Variants in ERMP1 observed in about 807,000 individuals in gnomAD.
The protein encoded by ERMP1 is endoplasmic reticulum metallopeptidase 1.
A neutral mutation model predicts 92.0 loss-of-function variants in ERMP1; 86 were observed. That is an observed-to-expected ratio of 0.93 (90% confidence interval 0.79 to 1.12). The LOEUF is 1.12. Among genes scored for constraint, ERMP1 ranks in the 50% most tolerant of loss-of-function variants. The pLI is 0.00. For synonymous variants in ERMP1, 530 were observed against 412.8 expected (o/e 1.28, Z -3.44); for missense variants, 1,342 against 1,116.3 (o/e 1.20, Z -2.88).
chr9:5,844,046 C>T (rs954761028), intron 6 of ERMP1, among the ~76,000 whole-genome samples: 1 of 152,064 alleles, frequency 6.6e-6, no homozygotes, highest in South Asian at 2.1e-4. Context: ...ATGGCATTTC[C>T]GGGAGAAGAA....
At chr9:5,839,498 G>C (rs1311184776) in intron 6 of ERMP1, among the ~76,000 whole-genome samples, 1 of 152,178 alleles carries the variant, frequency 6.6e-6, no homozygotes, top group East Asian at 1.9e-4. Context: ...GGGAATGAGA[G>C]TCACTGACTC....
intron 13 of ERMP1, chr9:5,791,377 C>CCTT: frequency 2.2e-6 from 1 of 452,114 alleles, no homozygotes; most frequent in South Asian, 1.6e-5. Flanking sequence ...TTTCTCAAGG[C>CCTT]CTTCACTGAC....
At position 5,805,100 on chromosome 9, in the gene ERMP1, C is replaced by T; in HGVS notation, c.1841G>A (p.Gly614Asp). The part of the protein sequence containing the change: ...EMFTPILGRS[G>D]SEIPPDVVLA... ...CACAACATCAGGTGGGATTTCAGAA[C>T]CACTTCTCCCGAGGATAGGGGTAAA... The change falls in exon 10 of 15, where the codon GGT becomes GAT. Residue 614 changes from glycine (G) to aspartate (D), a missense_variant. By Grantham distance (94) the Gly-to-Asp change is moderately conservative. Coordinates refer to ENST00000339450, the MANE Select transcript of ERMP1 (RefSeq NM_024896.3). 1 of 1,613,646 alleles carries T rather than the reference C, an allele frequency of 6.2e-7. No homozygotes were observed. Among genetic ancestry groups the T allele is most frequent in the Non-Finnish European group, 8.5e-7 (1 of 1,179,914 alleles).
chr9:5,789,626 T>C (rs1216782455), intron 13 of ERMP1, among the ~76,000 whole-genome samples: 1 of 152,200 alleles, frequency 6.6e-6, no homozygotes, highest in Non-Finnish European at 1.5e-5. Context: ...CCCACTGCTC[T>C]ACCACCTAGG....
chr9:5,832,414 C>G, intron 1 of ERMP1: 2 of 414,088 alleles, frequency 4.8e-6, no homozygotes, highest in Non-Finnish European at 8.5e-6. Context: ...AACCAACCAT[C>G]TGCACGAAGG....
chr9:5,797,634 C>T (rs139776778), intron 13 of ERMP1, among the ~76,000 whole-genome samples, 183 bp downstream of exon 13: 11,634 of 145,022 alleles, frequency 0.08, 673 homozygotes, highest in Non-Finnish European at 0.12. Context: ...GGCGACAGAG[C>T]GAGACTCCAT....
chr9:5,844,919 G>C (rs1441399433), intron 6 of ERMP1, among the ~76,000 whole-genome samples: 1 of 152,166 alleles, frequency 6.6e-6, no homozygotes, highest in East Asian at 1.9e-4. Flanking sequence ...TGGCTGCTTT[G>C]AGCATGTCAG....
rs565147860 is a variant in ERMP1 at position 5,833,089 on chromosome 9, A to T, written c.-62T>A. ...CCCGCGACAGCCCCGGCCGCCGCCG[A>T]CGCCGCCGTCGCTGCCGCAGCGCCT... On this transcript the variant is annotated 5_prime_UTR_variant, in exon 1 of 15. Transcript: ENST00000339450. 6.0e-5 allele frequency: 81 copies of T among 1,352,328 alleles called. No homozygotes were observed. Among genetic ancestry groups the T allele is most frequent in the Non-Finnish European group, 7.6e-5 (80 of 1,047,422 alleles). 83.8% of individuals were successfully genotyped at this position (1,352,328 alleles called of 1,614,324 possible).
At chr9:5,805,853 A>G in intron 8 of ERMP1, 68 bp from the exon 9 acceptor site, 1 of 1,212,474 alleles carries the variant, frequency 8.2e-7, no homozygotes, top group Non-Finnish European at 1.1e-6. Context: ...TTATTATAGT[A>G]ACACACTTTC....
chr9:5,785,332 A>C lies in ERMP1; in HGVS notation c.*1812T>G, dbSNP rs1202489881. 6.6e-6 allele frequency: 1 copy of C among 152,230 alleles called. No individual in the cohort carries two copies. Among genetic ancestry groups the C allele is most frequent in the Admixed American group, 6.5e-5 (1 of 15,282 alleles). 9.4% of individuals were successfully genotyped at this position (152,230 alleles called of 1,614,324 possible). ...GGGATAGAAAATAGGCCCATTTTTA[A>C]AATTCATTGAGAAATTATTACTTTT... On this transcript the variant is annotated 3_prime_UTR_variant, in exon 15 of 15. Transcript: ENST00000339450.
At chr9:5,851,760 C>T (rs1451311554) in intron 6 of ERMP1, among the ~76,000 whole-genome samples, 2 of 152,198 alleles carry the variant, frequency 1.3e-5, no homozygotes, top group African/African-American at 4.8e-5. Context: ...CTTTCCCCTT[C>T]ACACACATAC....
intron 13 of ERMP1, among the ~76,000 whole-genome samples, chr9:5,795,900 G>A (rs890845803): frequency 5.3e-5 from 8 of 152,022 alleles, no homozygotes; most frequent in African/African-American, 1.9e-4. Context: ...AGGATATGAG[G>A]GTAATAATCT....
In ERMP1 at chr9:5,811,181, G is replaced by A. The variant is rs942635002; in HGVS notation, c.1257C>T (p.Ile419=). ...CACCCATTACCACCATGTAGTTTAT[G>A]ATTGAGCCAATACGAGAGGGGTAGG... ...VIAYPSRIGS[I]INYMVVMGVV... is the part of the protein sequence containing the mutation. The change falls in exon 7 of 15, where the codon ATC becomes ATT. Residue 419 remains isoleucine, a synonymous_variant. Transcript: ENST00000339450. 4.3e-6 allele frequency: 7 copies of A among 1,613,902 alleles called. No individual in the cohort carries two copies. The highest frequency in any genetic ancestry group is 5.1e-6 in the Non-Finnish European group (6 of 1,179,986).
intron 13 of ERMP1, among the ~76,000 whole-genome samples, chr9:5,797,128 A>C (rs1311545161): frequency 1.3e-5 from 2 of 152,068 alleles, no homozygotes; most frequent in Non-Finnish European, 2.9e-5. Flanking sequence ...TCCTGGGCTC[A>C]AGTGATTCTC....
intron 6 of ERMP1, among the ~76,000 whole-genome samples, chr9:5,842,183 T>C (rs1214998592): frequency 2.0e-5 from 3 of 152,162 alleles, no homozygotes; most frequent in Non-Finnish European, 2.9e-5. Flanking sequence ...GGCCAGCTTT[T>C]ATTCCCTTAC....
At chr9:5,858,864 T>A (rs1404361056) in intron 6 of ERMP1, among the ~76,000 whole-genome samples, 1 of 152,174 alleles carries the variant, frequency 6.6e-6, no homozygotes, top group Non-Finnish European at 1.5e-5. Flanking sequence ...CATAACCTAA[T>A]TCTCTATACT....
chr9:5,827,143 T>C (rs185218548), intron 2 of ERMP1, among the ~76,000 whole-genome samples: 105 of 152,292 alleles, frequency 6.9e-4, no homozygotes, highest in African/African-American at 2.4e-3. Context: ...TTACTCCTAA[T>C]TGGTATCAAT....
rs569789837 is a variant in ERMP1 at position 5,842,095 on chromosome 9, T to C, written n.3200-8783A>G. Reference sequence around the variant, plus strand: ...ACCCAAAGAGTGAGCAGCAGCAAGATTTATTGTGAAAACAGAAAGAACAAA... The same window carrying C: ...ACCCAAAGAGTGAGCAGCAGCAAGACTTATTGTGAAAACAGAAAGAACAAA... On this transcript the variant is annotated intron_variant and non_coding_transcript_variant, in intron 6 of 6. Coordinates refer to the ERMP1 transcript ENST00000690753. Among the ~76,000 whole-genome samples the C allele has an allele frequency of 3.3e-5, 5 of 152,096 alleles. 1 individual carries two copies. The highest frequency in any genetic ancestry group is 2.6e-4 in the Admixed American group (4 of 15,288).
chr9:5,816,942 A>C (rs1327864204), intron 4 of ERMP1, among the ~76,000 whole-genome samples: 1 of 139,010 alleles, frequency 7.2e-6, no homozygotes, highest in African/African-American at 2.7e-5. Context: ...TCTGTCTCCC[A>C]GGCTGGAGTA....
Sources: allele counts gnomAD v4.1 joint callset (sites outside exome capture counted in the v4.1 genomes callset), GRCh38; gene constraint gnomAD v4.1.1; transcripts MANE v1.5; gene names NCBI Gene and HGNC (gene_info 2026-07-23, HGNC 2026-07-21).